Variants in OXCT1 observed in about 807,000 individuals in gnomAD.
OXCT1 encodes succinyl-CoA:3-ketoacid coenzyme A transferase 1, mitochondrial.
In OXCT1, 27 loss-of-function variants were observed where a neutral mutation model predicts 69.6. That is an observed-to-expected ratio of 0.39 (90% CI 0.29 to 0.54). OXCT1 has a LOEUF of 0.54. OXCT1 is among the 20% of genes least tolerant of loss of function. The pLI, the probability that OXCT1 is intolerant of heterozygous loss-of-function variation, is 0.72. For synonymous variants in OXCT1, 202 were observed against 217.8 expected, an observed-to-expected ratio of 0.93 and a Z score of 0.64; for missense variants, 437 against 650.2, an observed-to-expected ratio of 0.67 and a Z score of 3.57.
rs114524856 is a variant in OXCT1 at position 41,862,865 on chromosome 5, A to T, written c.79-115T>A. 1.9e-3 allele frequency: 1,277 copies of T among 680,116 alleles called. 13 individuals carry two copies. In the African/African-American group the frequency reaches 0.021, roughly 11 times the overall value. The allele number at this position is 680,116 out of a possible 1,614,324, so 42.1% of individuals were successfully genotyped here. ...GATAATTTCATTATCTCCTTTATAT[A>T]TACACGTTTTTAATTGCCAGGTAAT... On this transcript the variant is annotated intron_variant, in intron 1 of 16. Transcript: ENST00000196371.
chr5:41,834,960 T>G (rs1213097791), intron 7 of OXCT1, among the ~76,000 whole-genome samples: 2 of 151,604 alleles, frequency 1.3e-5, no homozygotes, highest in African/African-American at 4.8e-5. Flanking sequence ...AACCCAAAAC[T>G]AGTAAAAGAA....
intron 3 of OXCT1, among the ~76,000 whole-genome samples, chr5:41,859,397 G>T (rs1212323136): frequency 6.6e-6 from 1 of 152,136 alleles, no homozygotes; most frequent in Non-Finnish European, 1.5e-5. Context: ...AACTGCAAAA[G>T]TTATAGCCAC....
intron 14 of OXCT1, among the ~76,000 whole-genome samples, chr5:41,758,300 G>T (rs528625612): frequency 1.6e-4 from 24 of 152,220 alleles, no homozygotes; most frequent in Admixed American, 1.4e-3. Context: ...ATTTGTTGCA[G>T]ATGAGGTGGC....
At chr5:41,788,502 G>A (rs1329435404) in intron 13 of OXCT1, among the ~76,000 whole-genome samples, 1 of 152,120 alleles carries the variant, frequency 6.6e-6, no homozygotes, top group African/African-American at 2.4e-5. Context: ...GAAGAATGGA[G>A]AAACATACTT....
At chr5:41,737,865 C>CT (rs1389116780) in intron 16 of OXCT1, among the ~76,000 whole-genome samples, 1 of 152,196 alleles carries the variant, frequency 6.6e-6, no homozygotes, top group Non-Finnish European at 1.5e-5. Flanking sequence ...ACCATCCTGG[C>CT]TAGCACGGTG....
At chr5:41,753,823 G>T (rs964483528) in intron 14 of OXCT1, among the ~76,000 whole-genome samples, 22 of 152,086 alleles carry the variant, frequency 1.4e-4, no homozygotes, top group Non-Finnish European at 7.4e-5. Flanking sequence ...CTCCAGAGGG[G>T]AGCTATAAAA....
intron 13 of OXCT1, among the ~76,000 whole-genome samples, chr5:41,778,857 A>C (rs1745257367): frequency 6.6e-6 from 1 of 152,226 alleles, no homozygotes; most frequent in African/African-American, 2.4e-5. Flanking sequence ...TAGATAAGTT[A>C]TAATTTGTCT....
intron 13 of OXCT1, among the ~76,000 whole-genome samples, chr5:41,777,475 A>T (rs1292165538): frequency 1.3e-5 from 2 of 152,188 alleles, no homozygotes; most frequent in East Asian, 3.9e-4. Context: ...AGAACAAGTC[A>T]GAAAAAAAAC....
In OXCT1 at chr5:41,731,572, CT is replaced by C; in HGVS notation, c.*156del. On this transcript the variant is annotated 3_prime_UTR_variant, in exon 17 of 17. Coordinates refer to ENST00000196371, the MANE Select transcript of OXCT1 (RefSeq NM_000436.4). ...TTTTTATTAAAATGTCACAGCATGC[CT>C]AGAGAACAGTTTATATGGCTGCATA... 9.1e-7 allele frequency: 1 copy of C among 1,103,192 alleles called. No individual in the cohort carries two copies. The highest frequency in any genetic ancestry group is 2.6e-5 in the East Asian group (1 of 37,824). 68.3% of individuals were successfully genotyped at this position (1,103,192 alleles called of 1,614,324 possible).
intron 15 of OXCT1, among the ~76,000 whole-genome samples, chr5:41,739,891 A>G (rs1426622932): frequency 6.6e-6 from 1 of 151,628 alleles, no homozygotes; most frequent in Non-Finnish European, 1.5e-5. Flanking sequence ...AAAAAAGGAA[A>G]CACAAGACCC....
At chr5:41,822,967 C>T (rs1301986878) in intron 7 of OXCT1, among the ~76,000 whole-genome samples, 1 of 152,144 alleles carries the variant, frequency 6.6e-6, no homozygotes, top group Non-Finnish European at 1.5e-5. Context: ...ATATTTGCTA[C>T]TATTCTCATC....
At chr5:41,733,628 T>G (rs1742748231) in intron 16 of OXCT1, among the ~76,000 whole-genome samples, 2 of 152,226 alleles carry the variant, frequency 1.3e-5, no homozygotes, top group African/African-American at 4.8e-5. Flanking sequence ...CTGGACACAT[T>G]AATTTTTTTA....
At chr5:41,843,048 C>T (rs1748718161) in intron 5 of OXCT1, among the ~76,000 whole-genome samples, 2 of 152,096 alleles carry the variant, frequency 1.3e-5, no homozygotes. Context: ...GTTCTATGGC[C>T]TGAGGGATAG....
intron 16 of OXCT1, among the ~76,000 whole-genome samples, chr5:41,737,096 T>C (rs1036724556): frequency 1.3e-5 from 2 of 152,252 alleles, no homozygotes; most frequent in Non-Finnish European, 2.9e-5. Context: ...TGATTTCATC[T>C]GTCAGAGTGT....
intron 7 of OXCT1, among the ~76,000 whole-genome samples, chr5:41,807,680 A>G (rs1242370204): frequency 6.6e-6 from 1 of 152,098 alleles, no homozygotes; most frequent in East Asian, 1.9e-4. Context: ...ATTAGGCTCC[A>G]GAAGTTAGTC....
intron 7 of OXCT1, among the ~76,000 whole-genome samples, chr5:41,825,425 C>G (rs191172712): frequency 8.7e-4 from 133 of 152,242 alleles, no homozygotes; most frequent in Middle Eastern, 3.4e-3. Context: ...ACTCTTGGTT[C>G]CTAGTCTTAG....
At chr5:41,746,269 T>A (rs1194646747) in intron 15 of OXCT1, among the ~76,000 whole-genome samples, 4 of 152,100 alleles carry the variant, frequency 2.6e-5, no homozygotes, top group Admixed American at 6.6e-5. Flanking sequence ...ATAAATGTAA[T>A]CCAGCATATA....
At chr5:41,750,615 G>A (rs558387436) in intron 14 of OXCT1, among the ~76,000 whole-genome samples, 7 of 152,132 alleles carry the variant, frequency 4.6e-5, no homozygotes, top group African/African-American at 1.2e-4. Flanking sequence ...CGCCACTATC[G>A]TCCTTAGCCA....
rs1449852355 is a variant in OXCT1, at chr5:41,853,430, G to A, written c.403C>T (p.Leu135=). 9 of 1,613,680 alleles carry A rather than the reference G, an allele frequency of 5.6e-6. No individual in the cohort carries two copies. The highest frequency in any genetic ancestry group is 1.1e-5 in the South Asian group (1 of 91,078). ...GCAAATTTTCTCACCTGTGGTGTCA[G>A]CTCCACTTCTAATTCACCAGATAAG... ...QYLSGELEVE[L]TPQGTLAERI... Residue 135 remains leucine (L), a synonymous_variant, in exon 4 of 17, where the codon CTG becomes TTG. Coordinates refer to ENST00000196371, the MANE Select transcript of OXCT1 (RefSeq NM_000436.4).
Sources: allele counts gnomAD v4.1 joint callset (sites outside exome capture counted in the v4.1 genomes callset), GRCh38; gene constraint gnomAD v4.1.1; transcripts MANE v1.5; gene names NCBI Gene and HGNC (gene_info 2026-07-23, HGNC 2026-07-21).